The following KCNMA1 variants were observed in gnomAD, a reference collection of about 807,000 sequenced individuals.
The protein encoded by KCNMA1 is Calcium-activated potassium channel subunit alpha-1.
KCNMA1 carries 29 observed loss-of-function variants against 140.0 expected under a neutral mutation model. The ratio of observed to expected loss-of-function variants is 0.21; its 90% confidence interval spans 0.15 to 0.28. The LOEUF (loss-of-function observed/expected upper bound fraction) is 0.28, where lower values mean the gene tolerates loss of function less well. Ranked by LOEUF, KCNMA1 falls within the 10% of genes least tolerant of loss-of-function variation. The pLI is 1.00. For missense variants in KCNMA1, 880 were observed against 1,602.2 expected (o/e 0.55, Z 7.70); for synonymous variants, 612 against 611.9 (o/e 1.00, Z 0.00).
intron 1 of KCNMA1, among the ~76,000 whole-genome samples, chr10:77,568,906 T>C (rs1254278447): frequency 6.6e-6 from 1 of 150,610 alleles, no homozygotes; most frequent in Non-Finnish European, 1.5e-5. Context: ...ACAAAATCAA[T>C]GTACAAAAAT....
intron 20 of KCNMA1, among the ~76,000 whole-genome samples, chr10:76,962,592 C>T (rs1310359594): frequency 6.6e-6 from 1 of 152,190 alleles, no homozygotes; most frequent in Non-Finnish European, 1.5e-5. Flanking sequence ...AAGTGTTCCT[C>T]ATAAAGCCAT....
intron 2 of KCNMA1, among the ~76,000 whole-genome samples, chr10:77,333,011 C>T (rs2087109017): frequency 6.6e-6 from 1 of 152,226 alleles, no homozygotes; most frequent in Non-Finnish European, 1.5e-5. Flanking sequence ...ACATCCAACA[C>T]ATGCAACAGC....
At chr10:77,503,465 G>A (rs944394056) in intron 1 of KCNMA1, among the ~76,000 whole-genome samples, 3 of 152,172 alleles carry the variant, frequency 2.0e-5, no homozygotes, top group African/African-American at 7.2e-5. Flanking sequence ...CACCCAGCTA[G>A]GGCATTCTAT....
chr10:77,544,148 A>G (rs1332137912), intron 1 of KCNMA1, among the ~76,000 whole-genome samples: 5 of 102,854 alleles, frequency 4.9e-5, no homozygotes, highest in Admixed American at 3.9e-4. Flanking sequence ...ATATCTTTCC[A>G]GCTGTGTGTG....
intron 1 of KCNMA1, among the ~76,000 whole-genome samples, chr10:77,504,151 C>T (rs956220732): frequency 1.2e-4 from 18 of 152,176 alleles, no homozygotes; most frequent in South Asian, 4.1e-4. Flanking sequence ...CTTACACTGC[C>T]GCCATGAGCT....
chr10:77,044,669 T>A (rs2094935498), intron 14 of KCNMA1, among the ~76,000 whole-genome samples: 2 of 152,074 alleles, frequency 1.3e-5, no homozygotes, highest in South Asian at 4.2e-4. Context: ...AAATAAAACC[T>A]TGTGTTTAAT....
chr10:77,630,662 G>C (rs1049131758), intron 1 of KCNMA1, among the ~76,000 whole-genome samples: 1 of 152,154 alleles, frequency 6.6e-6, no homozygotes, highest in Non-Finnish European at 1.5e-5. Flanking sequence ...GGAGGCTGAG[G>C]GATGGACCAG....
At chr10:77,081,953 T>C (rs1486914441) in intron 12 of KCNMA1, among the ~76,000 whole-genome samples, 2 of 149,408 alleles carry the variant, frequency 1.3e-5, no homozygotes, top group Non-Finnish European at 3.0e-5. Flanking sequence ...GTTCTGGCTC[T>C]ACTTAATTAC....
At chr10:77,431,295 T>C (rs892266432) in intron 1 of KCNMA1, among the ~76,000 whole-genome samples, 1 of 152,148 alleles carries the variant, frequency 6.6e-6, no homozygotes, top group African/African-American at 2.4e-5. Flanking sequence ...TTGCAAACAA[T>C]AGAACTAATA....
At chr10:77,295,817 A>C (rs911113350) in intron 2 of KCNMA1, among the ~76,000 whole-genome samples, 1 of 143,268 alleles carries the variant, frequency 7.0e-6, no homozygotes, top group Non-Finnish European at 1.6e-5. Flanking sequence ...AAAAAAAAAA[A>C]CAGTTTTCAG....
chr10:76,977,166 C>T (rs552133886), intron 19 of KCNMA1, among the ~76,000 whole-genome samples: 3 of 152,264 alleles, frequency 2.0e-5, no homozygotes, highest in African/African-American at 7.2e-5. Flanking sequence ...CACTTGCAGT[C>T]CGCGTTTGTG....
At chr10:77,039,971 C>T (rs2094569949) in intron 14 of KCNMA1, among the ~76,000 whole-genome samples, 1 of 127,722 alleles carries the variant, frequency 7.8e-6, no homozygotes, top group African/African-American at 3.0e-5. Flanking sequence ...AAGCCTTGGA[C>T]ACCTGCACTG....
At position 77,415,425 on chromosome 10, in the gene KCNMA1, G is replaced by A. The variant is rs148330504; in HGVS notation, c.379-11402C>T. ...ACAGCCTGCTGTCCATCAGAGACTC[G>A]GAGACTCAGCTGCCAGTCTGCAGGG... On this transcript the variant is annotated intron_variant, in intron 1 of 27. Transcript: ENST00000286628. Among the ~76,000 whole-genome samples, 47 of 152,306 alleles carry A rather than the reference G, an allele frequency of 3.1e-4. 1 individual carries two copies. The East Asian group carries it at 8.7e-3, about 28-fold the overall frequency.
chr10:77,310,308 C>T (rs2078943296), intron 2 of KCNMA1, among the ~76,000 whole-genome samples: 1 of 152,136 alleles, frequency 6.6e-6, no homozygotes, highest in South Asian at 2.1e-4. Flanking sequence ...TATCCCCCAT[C>T]CCAACCCCAT....
At position 77,637,597 on chromosome 10, in the gene KCNMA1, C is replaced by T. The variant is rs1568035847; in HGVS notation, c.46G>A (p.Gly16Ser). Residue 16 changes from glycine to serine, a missense_variant, in exon 1 of 28, where the codon GGC (glycine) becomes AGC (serine). Coordinates refer to ENST00000286628, the MANE Select transcript of KCNMA1 (RefSeq NM_001161352.2). ...CTAAGACTGCTGCCTCCGCCGCCGCCGCCGCCGCCGCTGCTGCCGCCGCCG... is the reference window on the plus strand; with the variant it reads ...CTAAGACTGCTGCCTCCGCCGCCGCTGCCGCCGCCGCTGCTGCCGCCGCCG... ...GGGGGSSGGGGGGGGSSLRMS... is the reference protein window; with the variant it reads ...GGGGGSSGGGSGGGGSSLRMS... 3 of 1,526,764 alleles carry T rather than the reference C, an allele frequency of 2.0e-6. No individual in the cohort carries two copies. The highest frequency in any genetic ancestry group is 1.8e-6 in the Non-Finnish European group (2 of 1,141,230). The allele number at this position is 1,526,764 out of a possible 1,614,324, so 94.6% of individuals were successfully genotyped here.
intron 19 of KCNMA1, among the ~76,000 whole-genome samples, chr10:76,979,099 T>C (rs768600976): frequency 3.3e-5 from 5 of 152,178 alleles, no homozygotes; most frequent in African/African-American, 7.2e-5. Flanking sequence ...TCAAAGGTGT[T>C]TGAGGTACTG....
At chr10:77,003,039 T>C (rs895689849) in intron 18 of KCNMA1, among the ~76,000 whole-genome samples, 4 of 152,166 alleles carry the variant, frequency 2.6e-5, no homozygotes, top group South Asian at 2.1e-4. Context: ...GGTTTAAATC[T>C]CTCAAATGGG....
At chr10:77,302,916 T>A (rs2076870165) in intron 2 of KCNMA1, among the ~76,000 whole-genome samples, 1 of 152,142 alleles carries the variant, frequency 6.6e-6, no homozygotes, top group African/African-American at 2.4e-5. Flanking sequence ...GCTTTCAGAC[T>A]TTAAACTGGC....
At chr10:77,605,339 C>G (rs1331472477) in intron 1 of KCNMA1, among the ~76,000 whole-genome samples, 1 of 152,252 alleles carries the variant, frequency 6.6e-6, no homozygotes, top group Non-Finnish European at 1.5e-5. Context: ...GATGCTTCAT[C>G]TTTCCTGAGC....
Sources: allele counts gnomAD v4.1 joint callset (sites outside exome capture counted in the v4.1 genomes callset), GRCh38; gene constraint gnomAD v4.1.1; transcripts MANE v1.5; gene names NCBI Gene and HGNC (gene_info 2026-07-23, HGNC 2026-07-21).